The following ZC3H12B variants were observed in gnomAD, a reference collection of about 807,000 sequenced individuals.
The protein encoded by ZC3H12B is probable ribonuclease ZC3H12B.
Under a neutral mutation model 43.9 loss-of-function variants are expected in ZC3H12B, and 7 were observed. The ratio of observed to expected loss-of-function variants is 0.16; its 90% CI spans 0.09 to 0.30. ZC3H12B has a LOEUF of 0.30. ZC3H12B is among the 10% of genes least tolerant of loss of function. The probability of loss-of-function intolerance (pLI) is 1.00; values close to 1 mark genes in which losing one functional copy is unlikely to be tolerated. For missense variants in ZC3H12B, 475 were observed against 670.2 expected, an observed-to-expected ratio of 0.71 and a Z score of 3.22; for synonymous variants, 222 against 241.7, an observed-to-expected ratio of 0.92 and a Z score of 0.76.
At chrX:65,307,136 G>C in the ZC3H12B span, among the ~76,000 whole-genome samples, 1 of 112,263 alleles carries the variant, frequency 8.9e-6, no homozygotes, top group Non-Finnish European at 1.9e-5. Context: ...TAAAATTGTA[G>C]AGTGTAAATA....
At chrX:65,312,399 AT>A in the ZC3H12B span, among the ~76,000 whole-genome samples, 16 of 104,020 alleles carry the variant, frequency 1.5e-4, no homozygotes, top group South Asian at 1.7e-3. Context: ...CCGAGGTTCT[AT>A]TTTTTTTTTT....
the ZC3H12B span, among the ~76,000 whole-genome samples, chrX:65,144,280 G>A: frequency 9.0e-6 from 1 of 111,681 alleles, no homozygotes; most frequent in Non-Finnish European, 1.9e-5. Flanking sequence ...GGTGTTCATA[G>A]TAGCCTTCTT....
chrX:65,338,078 T>C, the ZC3H12B span, among the ~76,000 whole-genome samples: 1 of 112,259 alleles, frequency 8.9e-6, no homozygotes, highest in Non-Finnish European at 1.9e-5. Context: ...AGTTGCTAGC[T>C]GATTGCTTTA....
intron 4 of ZC3H12B, among the ~76,000 whole-genome samples, chrX:65,500,335 C>T (rs1385118761): frequency 8.9e-6 from 1 of 112,475 alleles, no homozygotes; most frequent in Non-Finnish European, 1.9e-5. Flanking sequence ...CTGAGTTTGG[C>T]CCCAAGATGA....
At chrX:65,436,418 A>G (rs1367891879) in intron 3 of ZC3H12B, among the ~76,000 whole-genome samples, 1 of 112,642 alleles carries the variant, frequency 8.9e-6, no homozygotes, top group Non-Finnish European at 1.9e-5. Context: ...TTTCTGTTCT[A>G]TCTGGACTTT....
rs748586650 is a variant in ZC3H12B, at chrX:65,448,150, G to A, written n.408-40496G>A. 4.5e-5 allele frequency among the ~76,000 whole-genome samples: 5 copies of A among 110,762 alleles called. 1 individual carries two copies. The highest frequency in any genetic ancestry group is 1.9e-4 in the Admixed American group (2 of 10,422). On this transcript the variant is annotated intron_variant and non_coding_transcript_variant, in intron 3 of 5. Coordinates refer to the ZC3H12B transcript ENST00000617377. Reference sequence around the variant, plus strand: ...CTCAGAAGACTGAGGCAGGAGAATGGCGTGAACCCAGGAGGCAGAGCTTGC... The same window carrying A: ...CTCAGAAGACTGAGGCAGGAGAATGACGTGAACCCAGGAGGCAGAGCTTGC...
chrX:65,068,791 T>A, the ZC3H12B span, among the ~76,000 whole-genome samples: 2 of 111,997 alleles, frequency 1.8e-5, no homozygotes, highest in African/African-American at 6.5e-5. Context: ...CGTTTAACAT[T>A]TCTTGGAGAA....
chrX:65,464,116 T>C (rs2067787895), intron 3 of ZC3H12B, among the ~76,000 whole-genome samples: 2 of 112,250 alleles, frequency 1.8e-5, no homozygotes, highest in Admixed American at 1.9e-4. Flanking sequence ...AAGGAGAAAA[T>C]GTATGTTGGA....
intron 2 of ZC3H12B, among the ~76,000 whole-genome samples, chrX:65,384,392 T>C (rs2066491438): frequency 9.0e-6 from 1 of 110,885 alleles, no homozygotes; most frequent in South Asian, 3.8e-4. Context: ...GGGATAGCAT[T>C]GGGAGATATA....
chrX:65,307,498 A>C, the ZC3H12B span, among the ~76,000 whole-genome samples: 1 of 112,156 alleles, frequency 8.9e-6, no homozygotes, highest in Non-Finnish European at 1.9e-5. Context: ...ACAATGTGAG[A>C]AATCAAAAGT....
intron 3 of ZC3H12B, among the ~76,000 whole-genome samples, 180 bp downstream of exon 5, chrX:65,398,884 G>T (rs762325959): frequency 8.1e-5 from 9 of 111,650 alleles, no homozygotes; most frequent in Non-Finnish European, 1.5e-4. Flanking sequence ...CACCTGCAGT[G>T]GACTCATTTT....
At chrX:65,370,523 A>G (rs957914849) in intron 2 of ZC3H12B, among the ~76,000 whole-genome samples, 2 of 112,148 alleles carry the variant, frequency 1.8e-5, no homozygotes, top group Non-Finnish European at 3.8e-5. Flanking sequence ...TGAACACTAA[A>G]GGAATATTTA....
chrX:65,049,181 C>G, the ZC3H12B span, among the ~76,000 whole-genome samples: 1 of 111,021 alleles, frequency 9.0e-6, no homozygotes, highest in Non-Finnish European at 1.9e-5. Context: ...TTGATTTGGT[C>G]TCACTTGTCT....
At chrX:65,187,651 T>G in the ZC3H12B span, among the ~76,000 whole-genome samples, 1 of 109,363 alleles carries the variant, frequency 9.1e-6, no homozygotes, top group African/African-American at 3.3e-5. Flanking sequence ...TTTTATTGAT[T>G]TTACTTTTTT....
At chrX:65,116,989 T>G in the ZC3H12B span, among the ~76,000 whole-genome samples, 1 of 111,963 alleles carries the variant, frequency 8.9e-6, no homozygotes, top group Admixed American at 9.5e-5. Flanking sequence ...TTCCAAGTCT[T>G]TGCTATTGTG....
the ZC3H12B span, among the ~76,000 whole-genome samples, chrX:65,168,173 T>A: frequency 8.9e-6 from 1 of 111,866 alleles, no homozygotes; most frequent in Non-Finnish European, 1.9e-5. Context: ...GCTGTGGGTC[T>A]GTCATAAATA....
intron 3 of ZC3H12B, among the ~76,000 whole-genome samples, chrX:65,449,615 T>C (rs1246155775): frequency 9.1e-6 from 1 of 109,993 alleles, no homozygotes; most frequent in Non-Finnish European, 1.9e-5. Flanking sequence ...TGAGACTCCA[T>C]CTCAAAAGAA....
the ZC3H12B span, among the ~76,000 whole-genome samples, chrX:65,126,049 GT>G: frequency 0.089 from 8,419 of 94,525 alleles, 1,014 homozygotes; most frequent in African/African-American, 0.3. Context: ...TTGTGTGTGT[GT>G]TTTTTTTTTT....
rs143454241 is a variant in ZC3H12B at position 65,391,703 on chromosome X, A to T, written n.296-6890A>T. ...TCCTTTCAATTGATGCTGAAAAAGC[A>T]TTTGATAAAATTCAACATTCTCCCT... On this transcript the variant is annotated intron_variant and non_coding_transcript_variant, in intron 2 of 5. Transcript: ENST00000617377. Among the ~76,000 whole-genome samples, 308 of 111,109 alleles carry T rather than the reference A, an allele frequency of 2.8e-3. 3 individuals are homozygous for T. Among genetic ancestry groups the T allele is most frequent in the African/African-American group, 9.7e-3 (295 of 30,550 alleles).
Sources: allele counts gnomAD v4.1 joint callset (sites outside exome capture counted in the v4.1 genomes callset), GRCh38; gene constraint gnomAD v4.1.1; transcripts MANE v1.5; gene names NCBI Gene and HGNC (gene_info 2026-07-23, HGNC 2026-07-21).